The following NARF variants were observed in gnomAD, a reference collection of about 807,000 sequenced individuals.
The protein encoded by NARF is iron-only hydrogenase-like protein 2.
NARF carries 41 observed loss-of-function variants against 48.0 expected under a neutral mutation model. The ratio of observed to expected loss-of-function variants is 0.85; its 90% CI spans 0.66 to 1.11. The LOEUF (loss-of-function observed/expected upper bound fraction) is 1.11, where lower values mean the gene tolerates loss of function less well. Ranked by LOEUF, NARF falls within the 50% of genes least tolerant of loss-of-function variation. The pLI, the probability that NARF is intolerant of heterozygous loss-of-function variation, is 0.00. For synonymous variants in NARF, 215 were observed against 225.5 expected (o/e 0.95, Z 0.42); for missense variants, 613 against 590.2 (o/e 1.04, Z -0.40).
At chr17:82,481,961 T>C in intron 7 of NARF, 1 of 316,894 alleles carries the variant, frequency 3.2e-6, no homozygotes, top group Non-Finnish European at 6.1e-6. Context: ...ATATTGCCTT[T>C]ACCACGGTAT....
At position 82,481,260 on chromosome 17, in the gene NARF, G is replaced by A. The variant is rs369475861; in HGVS notation, c.769+49G>A. ...CTGGGCGCTGGGGTAATCTCCTACT[G>A]GCCAGTACACACCAGAGCCAGGCAG... On this transcript the variant is annotated intron_variant, in intron 7 of 10. Transcript: ENST00000309794. 1.1e-4 allele frequency: 182 copies of A among 1,607,932 alleles called. No individual in the cohort carries two copies. In the African/African-American group the frequency reaches 2.1e-3, roughly 19 times the overall value.
At chr17:82,483,379 A>G (rs112635259) in intron 7 of NARF, 4,009 of 318,046 alleles carry the variant, frequency 0.013, 59 homozygotes, top group Non-Finnish European at 0.017. Flanking sequence ...AGCTTGTTAT[A>G]CACAAAAGTT....
At chr17:82,481,828 C>G (rs1680958988) in intron 7 of NARF, 1 of 393,890 alleles carries the variant, frequency 2.5e-6, no homozygotes, top group Non-Finnish European at 4.9e-6. Flanking sequence ...GTACTTATCT[C>G]TTGGTGGGAA....
chr17:82,458,929 A>G, intron 1 of NARF, 99 bp downstream of exon 1: 1 of 1,244,934 alleles, frequency 8.0e-7, no homozygotes, highest in Non-Finnish European at 1.0e-6. Flanking sequence ...CGCTCGCTTC[A>G]GGGCTCTTCA....
intron 8 of NARF, chr17:82,484,389 C>A: frequency 6.2e-6 from 1 of 161,202 alleles, no homozygotes; most frequent in Non-Finnish European, 1.4e-5. Flanking sequence ...TCTGTGGGGC[C>A]AGGCGTGGTG....
chr17:82,467,477 T>A (rs2043597378), intron 3 of NARF, among the ~76,000 whole-genome samples: 1 of 151,730 alleles, frequency 6.6e-6, no homozygotes, highest in African/African-American at 2.4e-5. Flanking sequence ...CTGGTAACTT[T>A]TTTTTTATTT....
chr17:82,459,151 C>T, intron 1 of NARF: 9 of 1,142,720 alleles, frequency 7.9e-6, no homozygotes, highest in Non-Finnish European at 9.7e-6. Context: ...CGGGAATGAT[C>T]AGAAGCGTTT....
chr17:82,478,534 T>C, intron 5 of NARF: 1 of 541,440 alleles, frequency 1.8e-6, no homozygotes, highest in Non-Finnish European at 3.5e-6. Flanking sequence ...TTGGGGGACC[T>C]GTTACTCCGA....
rs1599836738 is a variant in NARF at position 82,473,350 on chromosome 17, A to G, written c.520+652A>G. On this transcript the variant is annotated intron_variant, in intron 5 of 10. Coordinates refer to ENST00000309794, the MANE Select transcript of NARF (RefSeq NM_012336.4). ...CAGTCTGTTGCCCAGGCTGGAGTGC[A>G]GTGGTGTGATCTCGGCTCATTGCAA... is the stretch of plus-strand genomic sequence containing the variant. 2.1e-5 allele frequency among the ~76,000 whole-genome samples: 3 copies of G among 145,650 alleles called. No individual in the cohort carries two copies. The South Asian group carries it at 6.5e-4, about 32-fold the overall frequency.
rs562230301 is a variant in NARF, at chr17:82,474,117, G to C, written c.520+1419G>C. 2.0e-5 allele frequency among the ~76,000 whole-genome samples: 3 copies of C among 152,286 alleles called. No homozygotes were observed. The South Asian group carries it at 6.2e-4, about 32-fold the overall frequency. ...AGGTGTTTGAGCCAAGGAGTTAGAGGCTGCAGTGAGCTATGACTCCTCCAT... is the reference window on the plus strand; with the variant it reads ...AGGTGTTTGAGCCAAGGAGTTAGAGCCTGCAGTGAGCTATGACTCCTCCAT... On this transcript the variant is annotated intron_variant, in intron 5 of 10. Coordinates refer to ENST00000309794, the MANE Select transcript of NARF (RefSeq NM_012336.4).
At chr17:82,469,566 G>A (rs190646467) in intron 4 of NARF, among the ~76,000 whole-genome samples, 8 of 152,140 alleles carry the variant, frequency 5.3e-5, no homozygotes, top group African/African-American at 1.4e-4. Flanking sequence ...GAAAATGAGC[G>A]AGTTGCCAAA....
chr17:82,470,536 C>T (rs966585961), intron 4 of NARF, among the ~76,000 whole-genome samples: 2 of 151,796 alleles, frequency 1.3e-5, no homozygotes, highest in African/African-American at 4.8e-5. Flanking sequence ...GATCTGTCAC[C>T]CAGGCTGGGG....
At chr17:82,465,183 G>T (rs1338935730) in intron 3 of NARF, among the ~76,000 whole-genome samples, 2 of 152,126 alleles carry the variant, frequency 1.3e-5, no homozygotes, top group African/African-American at 4.8e-5. Context: ...GATCTTGTGA[G>T]GACTCACTCA....
chr17:82,484,589 G>A (rs541183654), intron 8 of NARF: 12 of 446,392 alleles, frequency 2.7e-5, no homozygotes, highest in Non-Finnish European at 4.7e-5. Context: ...GCATGGGCTC[G>A]GCGTGACTGA....
chr17:82,485,754 G>A, intron 10 of NARF, 100 bp downstream of exon 10: 6 of 1,375,972 alleles, frequency 4.4e-6, no homozygotes, highest in Non-Finnish European at 6.0e-6. Flanking sequence ...GCCACCCAGA[G>A]CCTCTCTCAG....
Position 82,489,011 on chromosome 17 carries a change from T to G in NARF, c.*854T>G, listed in dbSNP as rs543011887. 6.5e-6 allele frequency: 1 copy of G among 152,728 alleles called. No homozygotes were observed. The highest frequency in any genetic ancestry group is 1.5e-5 in the Non-Finnish European group (1 of 68,216). 9.5% of individuals were successfully genotyped at this position (152,728 alleles called of 1,614,324 possible). A position where few individuals can be genotyped will look rare whatever the true frequency, so the allele number is the denominator to read the frequency against. ...CACTCATATTTTCCTTGAAAATGTT[T>G]TTGCCAGAACATTAATAACTGTCAG... On this transcript the variant is annotated 3_prime_UTR_variant, in exon 11 of 11. Coordinates refer to ENST00000309794, the MANE Select transcript of NARF (RefSeq NM_012336.4).
chr17:82,474,461 G>T (rs577971536), intron 5 of NARF, among the ~76,000 whole-genome samples: 2 of 152,120 alleles, frequency 1.3e-5, no homozygotes, highest in Non-Finnish European at 2.9e-5. Flanking sequence ...ATGCATAAGG[G>T]AATAAGGAAG....
At chr17:82,485,933 G>T (rs1377238190) in intron 10 of NARF, among the ~76,000 whole-genome samples, 1 of 152,256 alleles carries the variant, frequency 6.6e-6, no homozygotes, top group Non-Finnish European at 1.5e-5. Flanking sequence ...GCCCGTGGCG[G>T]CTGGCTTAGA....
At chr17:82,478,571 G>C in intron 5 of NARF, 1 of 628,830 alleles carries the variant, frequency 1.6e-6, no homozygotes, top group Non-Finnish European at 3.0e-6. Flanking sequence ...GGCCTTGCAG[G>C]GATGCTCCCA....
Sources: gnomAD v4.1 joint callset for allele counts (sites outside exome capture counted in the v4.1 genomes callset) on GRCh38, gnomAD v4.1.1 for gene constraint, MANE v1.5 for transcripts, NCBI Gene and HGNC (gene_info 2026-07-23, HGNC 2026-07-21) for gene names.